The following PPP4C variants were observed in gnomAD, a reference collection of about 807,000 sequenced individuals.
PPP4C encodes protein phosphatase 4 catalytic subunit, also known as serine/threonine-protein phosphatase 4 catalytic subunit.
Under a neutral mutation model 40.5 loss-of-function variants are expected in PPP4C, and 10 were observed. That is an observed-to-expected ratio of 0.25 (90% confidence interval 0.15 to 0.42). The LOEUF is 0.42. Among genes scored for constraint, PPP4C ranks in the 10% least tolerant of loss-of-function variants. PPP4C has a pLI of 1.00. For missense variants in PPP4C, 191 were observed against 416.4 expected, an observed-to-expected ratio of 0.46 and a Z score of 4.71; for synonymous variants, 187 against 163.6, an observed-to-expected ratio of 1.14 and a Z score of -1.09.
intron 2 of PPP4C, among the ~76,000 whole-genome samples, chr16:30,079,182 C>CT (rs1183495329): frequency 6.7e-6 from 1 of 150,070 alleles, no homozygotes; most frequent in Admixed American, 6.6e-5. Flanking sequence ...GCTTTGGTTT[C>CT]TTTTTTTCTT....
At chr16:30,082,223 A>C (rs367606834) in intron 3 of PPP4C, among the ~76,000 whole-genome samples, 2 of 152,004 alleles carry the variant, frequency 1.3e-5, no homozygotes, top group East Asian at 1.9e-4. Flanking sequence ...CTTTGTGGGG[A>C]GTAGAGAGAG....
intron 2 of PPP4C, among the ~76,000 whole-genome samples, chr16:30,079,275 C>T (rs181392420): frequency 1.3e-5 from 2 of 151,850 alleles, no homozygotes; most frequent in East Asian, 3.9e-4. Context: ...CTGCAACCTC[C>T]ACCTCCTAGG....
chr16:30,084,961 C>T lies in PPP4C; in HGVS notation c.823C>T (p.Leu275=), dbSNP rs1206733258. The change falls in exon 9 of 9, where the codon CTG becomes TTG. Residue 275 remains leucine, a synonymous_variant. Coordinates refer to ENST00000279387, the MANE Select transcript of PPP4C (RefSeq NM_002720.3). ...TGGGAATGTGGCAGCCATCTTGGAGCTGGACGAGCATCTCCAGAAAGATTT... is the reference window on the plus strand; with the variant it reads ...TGGGAATGTGGCAGCCATCTTGGAGTTGGACGAGCATCTCCAGAAAGATTT... ...RCGNVAAILE[L]DEHLQKDFII... is the part of the protein sequence containing the mutation. 3 of 1,614,028 alleles carry T rather than the reference C, an allele frequency of 1.9e-6. No homozygotes were observed. The highest frequency in any genetic ancestry group is 2.5e-6 in the Non-Finnish European group (3 of 1,179,970).
intron 2 of PPP4C, among the ~76,000 whole-genome samples, chr16:30,078,587 C>T (rs12447915): frequency 0.49 from 73,832 of 151,536 alleles, 18,432 homozygotes; most frequent in African/African-American, 0.59. Context: ...TCCTGGGGAC[C>T]CATCAGAGAC....
intron 2 of PPP4C, among the ~76,000 whole-genome samples, chr16:30,079,298 T>C (rs2151025176): frequency 6.6e-6 from 1 of 151,872 alleles, no homozygotes; most frequent in Middle Eastern, 3.4e-3. Context: ...CAAGTGATTC[T>C]CCTACCTCAG....
chr16:30,081,598 CCACGCGTGGTGG>C (rs554790721), intron 3 of PPP4C: 74 of 269,886 alleles, frequency 2.7e-4, no homozygotes, highest in African/African-American at 1.6e-3. Context: ...CAAAAATTAG[CCACGCGTGGTGG>C]CACGTGCCTG....
chr16:30,076,368 G>T lies in PPP4C; in HGVS notation c.-10G>T. On this transcript the variant is annotated 5_prime_UTR_variant, in exon 2 of 9. Coordinates refer to ENST00000279387, the MANE Select transcript of PPP4C (RefSeq NM_002720.3). ...GCGGCCCCGACTCTGACCCGCGCCG[G>T]GGGTGGGCCATGGCGGAGATCAGCG... is the stretch of plus-strand genomic sequence containing the variant. The T allele has an allele frequency of 6.2e-7, 1 of 1,612,330 alleles. No individual in the cohort carries two copies. Among genetic ancestry groups the T allele is most frequent in the Non-Finnish European group, 8.5e-7 (1 of 1,179,456 alleles).
At chr16:30,078,472 T>C (rs979683921) in intron 2 of PPP4C, among the ~76,000 whole-genome samples, 5 of 152,144 alleles carry the variant, frequency 3.3e-5, no homozygotes, top group African/African-American at 4.8e-5. Flanking sequence ...TCCTGCCCAG[T>C]TGAAACTGAG....
chr16:30,081,488 T>A, intron 3 of PPP4C, 178 bp downstream of exon 3: 1 of 536,328 alleles, frequency 1.9e-6, no homozygotes, highest in Non-Finnish European at 3.3e-6. Context: ...CTCACACCTG[T>A]GATCCCAGCA....
chr16:30,082,772 C>T lies in PPP4C; in HGVS notation c.228C>T (p.Asn76=). The T allele has an allele frequency of 2.2e-5, 35 of 1,614,108 alleles. No homozygotes were observed. Among genetic ancestry groups the T allele is most frequent in the Non-Finnish European group, 3.0e-5 (35 of 1,180,004 alleles). Residue 76 remains asparagine (N), a synonymous_variant, in exon 5 of 9, where the codon AAC becomes AAT. Coordinates refer to ENST00000279387, the MANE Select transcript of PPP4C (RefSeq NM_002720.3). The stretch of plus-strand genomic sequence containing the variant: ...TAGGTGGCGACGTCCCTGAGACCAA[C>T]TACCTCTTCATGGGGGACTTTGTGG... ...FRVGGDVPET[N]YLFMGDFVDR...
Position 30,082,630 on chromosome 16 carries a change from G to A in PPP4C, c.201+96G>A, listed in dbSNP as rs8056219. The A allele has an allele frequency of 3.7e-5, 58 of 1,548,484 alleles. No individual in the cohort carries two copies. The African/African-American group carries it at 7.8e-4, about 21-fold the overall frequency. The stretch of plus-strand genomic sequence containing the variant: ...AGCCTTAATTTGGGGCGTGGAGTGG[G>A]GGCAAGGGGCCCCAAGTTAGATGGG... On this transcript the variant is annotated intron_variant, in intron 4 of 8. Coordinates refer to ENST00000279387, the MANE Select transcript of PPP4C (RefSeq NM_002720.3).
chr16:30,076,516 C>A, intron 2 of PPP4C, 41 bp downstream of exon 2: 1 of 1,562,526 alleles, frequency 6.4e-7, no homozygotes, highest in Non-Finnish European at 8.7e-7. Context: ...CAAGCCGCCG[C>A]CCACGGGTTC....
rs529249874 is a variant in PPP4C, at chr16:30,085,095, T to G, written c.*33T>G. On this transcript the variant is annotated 3_prime_UTR_variant, in exon 9 of 9. Coordinates refer to ENST00000279387, the MANE Select transcript of PPP4C (RefSeq NM_002720.3). ...CGGCCCCTGCCCCCTCCAACCCTTC[T>G]GGCCCTCGCACCACTGTGACTCTGC... The G allele has an allele frequency of 1.6e-5, 26 of 1,606,870 alleles. No homozygotes were observed. In the East Asian group the frequency reaches 5.8e-4, roughly 36 times the overall value.
rs866326249 is a variant in PPP4C, at chr16:30,076,424, G to T, written c.47G>T (p.Arg16Leu). 3.1e-6 allele frequency: 5 copies of T among 1,613,408 alleles called. No homozygotes were observed. The highest frequency in any genetic ancestry group is 2.7e-5 in the African/African-American group (2 of 75,062). Residue 16 changes from arginine to leucine, a missense_variant, in exon 2 of 9, where the codon CGC becomes CTC. Arg to Leu is a moderately radical substitution (Grantham distance 102). Coordinates refer to ENST00000279387, the MANE Select transcript of PPP4C (RefSeq NM_002720.3). ...DLDRQIEQLR[R>L]CELIKESEVK... ...GACCGGCAGATCGAGCAGCTGCGTC[G>T]CTGCGAGCTCATCAAGGAGAGCGAA...
intron 2 of PPP4C, among the ~76,000 whole-genome samples, chr16:30,077,124 C>A (rs1284649962): frequency 6.6e-6 from 1 of 152,114 alleles, no homozygotes; most frequent in Admixed American, 6.6e-5. Context: ...GTTCAGAGTT[C>A]TGTGGGAAGT....
intron 4 of PPP4C, 50 bp from the exon 5 acceptor site, chr16:30,082,696 G>C: frequency 1.3e-6 from 2 of 1,561,934 alleles, no homozygotes; most frequent in Non-Finnish European, 8.8e-7. Context: ...GAAACAGGTA[G>C]GGGGTAGGGG....
chr16:30,084,637 C>G (rs371203965), intron 7 of PPP4C, 29 bp from the exon 8 acceptor site: 8 of 1,598,382 alleles, frequency 5.0e-6, no homozygotes, highest in East Asian at 4.5e-5. Flanking sequence ...CTGAGGACAT[C>G]CCTCTCCATC....
At chr16:30,079,330 C>G (rs1567333102) in intron 2 of PPP4C, among the ~76,000 whole-genome samples, 1 of 151,910 alleles carries the variant, frequency 6.6e-6, no homozygotes, top group Admixed American at 6.6e-5. Flanking sequence ...GCTGGGATTA[C>G]AGGCACGCGC....
intron 2 of PPP4C, 96 bp downstream of exon 2, chr16:30,076,571 C>T (rs1336708963): frequency 7.9e-6 from 10 of 1,272,162 alleles, no homozygotes; most frequent in Admixed American, 4.1e-5. Context: ...TTGCCTCGTT[C>T]TGGAAGCTTT....
Sources: allele counts gnomAD v4.1 joint callset (sites outside exome capture counted in the v4.1 genomes callset), GRCh38; gene constraint gnomAD v4.1.1; transcripts MANE v1.5; gene names NCBI Gene and HGNC (gene_info 2026-07-23, HGNC 2026-07-21).